TPRKB: variants seen among roughly 807,000 people sequenced by gnomAD.
TPRKB encodes EKC/KEOPS complex subunit TPRKB.
Under a neutral mutation model 17.8 loss-of-function variants are expected in TPRKB, and 11 were observed. The observed-to-expected ratio is 0.62, with a 90% CI of 0.39 to 1.02. The LOEUF is 1.02. Among genes scored for constraint, TPRKB ranks in the 50% least tolerant of loss-of-function variants. The pLI is 0.00. For synonymous variants in TPRKB, 71 were observed against 69.5 expected (o/e 1.02, Z -0.11); for missense variants, 228 against 198.0 (o/e 1.15, Z -0.91).
At chr2:73,732,027 C>T in intron 3 of TPRKB, 136 bp downstream of exon 3, 4 of 975,778 alleles carry the variant, frequency 4.1e-6, no homozygotes, top group Non-Finnish European at 6.0e-6. Context: ...CCTCAACTCT[C>T]TGTCCAGAGC....
At position 73,729,911 on chromosome 2, in the gene TPRKB, T is replaced by C. The variant is rs369017132; in HGVS notation, c.*32A>G. ...AAAGGAAAATCAATGTTTTCTTTAA[T>C]GCTGAGAATTTTTGTTAATATTTCT... On this transcript the variant is annotated 3_prime_UTR_variant, in exon 5 of 5. Transcript: ENST00000272424. The C allele has an allele frequency of 1.3e-5, 19 of 1,502,916 alleles. No homozygotes were observed. The highest frequency in any genetic ancestry group is 6.5e-5 in the Admixed American group (3 of 46,440). The allele number at this position is 1,502,916 out of a possible 1,614,324, so 93.1% of individuals were successfully genotyped here.
chr2:73,732,282 C>G lies in TPRKB; in HGVS notation c.145G>C (p.Val49Leu). 6.2e-7 allele frequency: 1 copy of G among 1,610,978 alleles called. No individual in the cohort carries two copies. Among genetic ancestry groups the G allele is most frequent in the Non-Finnish European group, 8.5e-7 (1 of 1,179,272 alleles). ...DGSLINPTVI[V>L]DPFQILVAAN... ...GCCACAAGTATCTGAAATGGATCAA[C>G]AATCTACCAAAGCAAGGAAAAAGAA... is the stretch of plus-strand genomic sequence containing the variant. The change falls in exon 3 of 5, where the codon GTT (valine) becomes CTT (leucine). Residue 49 changes from valine (V) to leucine (L), a missense_variant. Val to Leu is a conservative substitution (Grantham distance 32). Coordinates refer to ENST00000272424, the MANE Select transcript of TPRKB (RefSeq NM_016058.5).
At chr2:73,732,056 G>C (rs1671635945) in intron 3 of TPRKB, 107 bp downstream of exon 3, 1 of 1,235,634 alleles carries the variant, frequency 8.1e-7, no homozygotes, top group East Asian at 2.3e-5. Context: ...CTATTATTTG[G>C]GTTTATTACT....
rs202183143 is a variant in TPRKB, at chr2:73,730,724, A to G, written c.277T>C (p.Leu93=). 121 of 1,520,212 alleles carry G rather than the reference A, an allele frequency of 8.0e-5. No homozygotes were observed. In the East Asian group the frequency reaches 3.1e-3, roughly 39 times the overall value. 94.2% of individuals were successfully genotyped at this position (1,520,212 alleles called of 1,614,324 possible). A position where few individuals can be genotyped will look rare whatever the true frequency, so the allele number is the denominator to read the frequency against. The part of the protein sequence containing the change: ...LSPNNNISEA[L]KKFGISANDT... The stretch of plus-strand genomic sequence containing the variant: ...TTTGCTGAGATACCAAATTTTTTCA[A>G]AGCCTCTGAAATCTAAGAGAAAAAA... The change falls in exon 4 of 5, where the codon TTG becomes CTG. Residue 93 remains leucine (L), a synonymous_variant. Transcript: ENST00000272424.
chr2:73,732,049 T>C lies in TPRKB; in HGVS notation c.264+114A>G, dbSNP rs575331093. 8.6e-6 allele frequency: 10 copies of C among 1,157,498 alleles called. No individual in the cohort carries two copies. In the East Asian group the frequency reaches 2.4e-4, roughly 27 times the overall value. 71.7% of individuals were successfully genotyped at this position (1,157,498 alleles called of 1,614,324 possible). A position where few individuals can be genotyped will look rare whatever the true frequency, so the allele number is the denominator to read the frequency against. On this transcript the variant is annotated intron_variant, in intron 3 of 4. Coordinates refer to ENST00000272424, the MANE Select transcript of TPRKB (RefSeq NM_016058.5). ...TCTCTGTCCAGAGCTCTCTTCACTA[T>C]TATTTGGGTTTATTACTAACCACTG...
chr2:73,731,506 A>G (rs867674582), intron 3 of TPRKB, among the ~76,000 whole-genome samples: 9 of 152,196 alleles, frequency 5.9e-5, no homozygotes, highest in African/African-American at 1.9e-4. Context: ...AAACTTGTCA[A>G]TCATCTGTAT....
intron 2 of TPRKB, among the ~76,000 whole-genome samples, chr2:73,732,918 C>T (rs1671687826): frequency 6.6e-6 from 1 of 152,026 alleles, no homozygotes; most frequent in Non-Finnish European, 1.5e-5. Context: ...GAAATTGACA[C>T]TATTATTAGT....
rs773004851 is a variant in TPRKB, at chr2:73,732,276, G to A, written c.151C>T (p.Pro51Ser). The A allele has an allele frequency of 3.7e-6, 6 of 1,611,942 alleles. No individual in the cohort carries two copies. The highest frequency in any genetic ancestry group is 4.2e-6 in the Non-Finnish European group (5 of 1,179,500). ...TTTGCTGCCACAAGTATCTGAAATG[G>A]ATCAACAATCTACCAAAGCAAGGAA... ...SLINPTVIVD[P>S]FQILVAANKA... is the part of the protein sequence containing the mutation. The change falls in exon 3 of 5, where the codon CCA (proline) becomes TCA (serine). Residue 51 changes from proline (P) to serine (S), a missense_variant. Transcript: ENST00000272424.
At chr2:73,730,801 A>G in intron 3 of TPRKB, 65 bp from the exon 4 acceptor site, 3 of 1,206,268 alleles carry the variant, frequency 2.5e-6, no homozygotes, top group Non-Finnish European at 3.4e-6. Context: ...CGTCTGAAAC[A>G]TTTCCTGATC....
chr2:73,733,979 T>A (rs1671757749), intron 2 of TPRKB, among the ~76,000 whole-genome samples: 1 of 151,408 alleles, frequency 6.6e-6, no homozygotes, highest in African/African-American at 2.4e-5. Flanking sequence ...AGCTAATTTT[T>A]GTATTTTTAG....
chr2:73,733,670 C>A (rs1386719116), intron 2 of TPRKB, among the ~76,000 whole-genome samples: 1 of 152,166 alleles, frequency 6.6e-6, no homozygotes, highest in African/African-American at 2.4e-5. Flanking sequence ...CCTGGCACTT[C>A]TGCCTCTATT....
chr2:73,733,810 CA>C (rs1671744089), intron 2 of TPRKB, among the ~76,000 whole-genome samples: 1 of 138,470 alleles, frequency 7.2e-6, no homozygotes, highest in Non-Finnish European at 1.5e-5. Context: ...ATGGCTCATT[CA>C]TTCTTTTTTT....
chr2:73,734,739 A>C, intron 1 of TPRKB, 148 bp from the exon 2 acceptor site: 3 of 720,214 alleles, frequency 4.2e-6, no homozygotes, highest in East Asian at 2.9e-5. Flanking sequence ...TGGCATCCTC[A>C]TGAGATGTTG....
In TPRKB at chr2:73,734,520, A is replaced by G. The variant is rs1300808163; in HGVS notation, c.50T>C (p.Leu17Pro). 1.2e-6 allele frequency: 2 copies of G among 1,613,892 alleles called. No homozygotes were observed. The highest frequency in any genetic ancestry group is 8.5e-7 in the Non-Finnish European group (1 of 1,179,972). Residue 17 changes from leucine (L) to proline (P), a missense_variant, in exon 2 of 5, where the codon CTT (leucine) becomes CCT (proline). Coordinates refer to ENST00000272424, the MANE Select transcript of TPRKB (RefSeq NM_016058.5). ...ATTTTTTACATCTTTAAATAACAGA[A>G]GGGTTACCCTGCATTCGGGAAATAG... Reference protein sequence around the residue: ...LDLFPECRVTLLLFKDVKNAG... With the variant: ...LDLFPECRVTPLLFKDVKNAG...
At position 73,734,389 on chromosome 2, in the gene TPRKB, G is replaced by A. The variant is rs370234899; in HGVS notation, c.141+40C>T. On this transcript the variant is annotated intron_variant, in intron 2 of 4. Coordinates refer to ENST00000272424, the MANE Select transcript of TPRKB (RefSeq NM_016058.5). ...GCTGGCATTACAGGCGTGAGCCACCGCACCCAGCAGGCTCATTCATTCTTA... is the reference window on the plus strand; with the variant it reads ...GCTGGCATTACAGGCGTGAGCCACCACACCCAGCAGGCTCATTCATTCTTA... 206 of 1,585,248 alleles carry A rather than the reference G, an allele frequency of 1.3e-4. 2 individuals carry two copies. The highest frequency in any genetic ancestry group is 5.4e-4 in the South Asian group (47 of 86,268).
chr2:73,732,221 T>C lies in TPRKB; in HGVS notation c.206A>G (p.Lys69Arg), dbSNP rs1671644366. ...AGTAGATAGAGTTCTTGTCTTCATT[T>C]TTCCCAGTTTGTAGAGGTGAACTGC... Reference protein sequence around the residue: ...NKAVHLYKLGKMKTRTLSTEI... With the variant: ...NKAVHLYKLGRMKTRTLSTEI... The change falls in exon 3 of 5, where the codon AAA becomes AGA. Residue 69 changes from lysine to arginine, a missense_variant. Physicochemically the swap from Lys to Arg is conservative, Grantham distance 26 (BLOSUM62 2). Coordinates refer to ENST00000272424, the MANE Select transcript of TPRKB (RefSeq NM_016058.5). The C allele has an allele frequency of 1.9e-6, 3 of 1,614,116 alleles. 1 individual carries two copies. In the South Asian group the frequency reaches 3.3e-5, roughly 18 times the overall value.
chr2:73,729,919 A>T lies in TPRKB; in HGVS notation c.*24T>A. 1 of 1,517,108 alleles carries T rather than the reference A, an allele frequency of 6.6e-7. No homozygotes were observed. Among genetic ancestry groups the T allele is most frequent in the Non-Finnish European group, 8.9e-7 (1 of 1,123,030 alleles). The allele number at this position is 1,517,108 out of a possible 1,614,324, so 94.0% of individuals were successfully genotyped here. A position where few individuals can be genotyped will look rare whatever the true frequency, so the allele number is the denominator to read the frequency against. On this transcript the variant is annotated 3_prime_UTR_variant, in exon 5 of 5. Transcript: ENST00000272424. The stretch of plus-strand genomic sequence containing the variant: ...ATCAATGTTTTCTTTAATGCTGAGA[A>T]TTTTTGTTAATATTTCTGACATTTC...
At chr2:73,731,098 C>G (rs111347969) in intron 3 of TPRKB, 2,111 of 171,022 alleles carry the variant, frequency 0.012, 45 homozygotes, top group African/African-American at 0.045. Context: ...TGCCTGTGCT[C>G]AAGCTTTGTC....
intron 2 of TPRKB, chr2:73,732,677 C>T (rs1370556793): frequency 6.3e-6 from 1 of 159,516 alleles, no homozygotes; most frequent in Admixed American, 6.4e-5. Flanking sequence ...CCATTGCACT[C>T]CAGCCTGGGC....
Sources: gnomAD v4.1 joint callset for allele counts (sites outside exome capture counted in the v4.1 genomes callset) on GRCh38, gnomAD v4.1.1 for gene constraint, MANE v1.5 for transcripts, NCBI Gene and HGNC (gene_info 2026-07-23, HGNC 2026-07-21) for gene names.